The following NBPF20 variants were observed in gnomAD, a reference collection of about 807,000 sequenced individuals.
The protein encoded by NBPF20 is NBPF member 20, also known as NBPF family member NBPF20.
NBPF20 carries 90 observed loss-of-function variants against 68.1 expected under a neutral mutation model. That is an observed-to-expected ratio of 1.32 (90% CI 1.11 to 1.58). The LOEUF is 1.58. NBPF20 is among the 40% of genes most tolerant of loss of function. The probability of loss-of-function intolerance (pLI) is 0.00; values close to 1 mark genes in which losing one functional copy is unlikely to be tolerated. For missense variants in NBPF20, 816 were observed against 601.2 expected, an observed-to-expected ratio of 1.36 and a Z score of -3.74; for synonymous variants, 290 against 228.1, an observed-to-expected ratio of 1.27 and a Z score of -2.45.
At chr1:145,410,456 A>C (rs1335906157), upstream of NBPF20, among the ~76,000 whole-genome samples, 1 of 149,362 alleles carries the variant, frequency 6.7e-6, no homozygotes, top group Non-Finnish European at 1.5e-5. Flanking sequence ...CTAGGACTAC[A>C]GGCGCCCGCC....
chr1:145,419,224 T>C, the NBPF20 span, among the ~76,000 whole-genome samples: 2 of 139,956 alleles, frequency 1.4e-5, no homozygotes, highest in Non-Finnish European at 3.1e-5. Context: ...GGGAGAGAAG[T>C]AGGGAAGGAG....
At chr1:145,410,325 T>C (rs1405968099), upstream of NBPF20, among the ~76,000 whole-genome samples, 1 of 151,584 alleles carries the variant, frequency 6.6e-6, no homozygotes, top group Non-Finnish European at 1.5e-5. Context: ...TTCTTTTTTT[T>C]TTTTTTTGAG....
chr1:145,401,105 C>A lies in NBPF20; in HGVS notation c.520G>T (p.Val174Phe), dbSNP rs1662502416. The A allele has an allele frequency of 5.0e-6, 8 of 1,607,592 alleles. No individual in the cohort carries two copies. The South Asian group carries it at 8.8e-5, about 18-fold the overall frequency. ...ACTTTCTCAGCCAACTCAACTTGAA[C>A]ATCTTCATCGTCATCGTTGTCATTT... Residue 174 changes from valine to phenylalanine, a missense_variant, in exon 5 of 138, where the codon GTT (valine) becomes TTT (phenylalanine). Coordinates refer to ENST00000369373, the Ensembl canonical transcript of NBPF20.
At chr1:145,311,866 A>G (rs1661492436) in intron 112 of NBPF20, among the ~76,000 whole-genome samples, 1 of 112,286 alleles carries the variant, frequency 8.9e-6, no homozygotes, top group Non-Finnish European at 1.8e-5. Flanking sequence ...CGAGGATTTT[A>G]GATGCTGAAA....
chr1:145,407,377 A>G (rs1402013968), upstream of NBPF20, among the ~76,000 whole-genome samples: 4 of 145,890 alleles, frequency 2.7e-5, no homozygotes, highest in Admixed American at 6.9e-5. Flanking sequence ...GTATATATAT[A>G]TAATATATAT....
At chr1:145,292,410 C>G (rs781798065) in exon 137 of NBPF20, 1 of 688,948 alleles carries the variant, frequency 1.5e-6, no homozygotes. Context: ...GATCTTCTTC[C>G]CCTTCTTTTC....
At chr1:145,415,000 A>C in the NBPF20 span, among the ~76,000 whole-genome samples, 2 of 152,200 alleles carry the variant, frequency 1.3e-5, no homozygotes, top group Admixed American at 1.3e-4. Context: ...ACCGGCGTTC[A>C]GCATACGGAG....
chr1:145,405,981 C>A (rs1350507688), upstream of NBPF20, among the ~76,000 whole-genome samples: 3 of 150,148 alleles, frequency 2.0e-5, no homozygotes, highest in Non-Finnish European at 4.4e-5. Context: ...TGCAGTGACG[C>A]GATCTAGGCT....
At position 145,401,195 on chromosome 1, in the gene NBPF20, C is replaced by G; in HGVS notation, c.494-64G>C. On this transcript the variant is annotated intron_variant, in intron 4 of 137. Transcript: ENST00000369373. ...TCACAGTCTGCAAGCACAGTCAGCC[C>G]AATGTGCAACAGAGACATGAACATC... is the stretch of plus-strand genomic sequence containing the variant. The G allele has an allele frequency of 3.7e-6, 5 of 1,367,922 alleles. No homozygotes were observed. The East Asian group carries it at 1.1e-4, about 31-fold the overall frequency. 84.7% of individuals were successfully genotyped at this position (1,367,922 alleles called of 1,614,324 possible).
intron 9 of NBPF20, 70 bp downstream of exon 14, chr1:145,393,814 C>G (rs1381526971): frequency 5.7e-6 from 7 of 1,232,474 alleles, no homozygotes; most frequent in African/African-American, 4.5e-5. Context: ...TCAGCATGTA[C>G]TGTTTTCCCT....
At chr1:145,422,870 T>C in the NBPF20 span, among the ~76,000 whole-genome samples, 1 of 149,930 alleles carries the variant, frequency 6.7e-6, no homozygotes, top group South Asian at 2.1e-4. Flanking sequence ...ACTCCTATAG[T>C]CGCAGCTACT....
At position 145,403,206 on chromosome 1, in the gene NBPF20, G is replaced by T. The variant is rs1329763421; in HGVS notation, c.278+10C>A. On this transcript the variant is annotated intron_variant, in intron 3 of 137. Transcript: ENST00000369373. ...CTGCCCCCCTGCCTGCCACCATGGG[G>T]TCCCCTCACCTGAGCTCCTCAGCTT... The T allele has an allele frequency of 7.4e-6, 12 of 1,612,106 alleles. No homozygotes were observed. Among genetic ancestry groups the T allele is most frequent in the African/African-American group, 5.3e-5 (4 of 74,820 alleles).
At chr1:145,409,306 C>T (rs1446500159), upstream of NBPF20, among the ~76,000 whole-genome samples, 11 of 149,546 alleles carry the variant, frequency 7.4e-5, no homozygotes, top group Non-Finnish European at 1.0e-4. Flanking sequence ...TCTATCATTC[C>T]GCGTTTGGGC....
the NBPF20 span, among the ~76,000 whole-genome samples, chr1:145,416,091 G>A: frequency 4.0e-5 from 6 of 151,264 alleles, no homozygotes; most frequent in East Asian, 1.9e-4. Context: ...AGATGGCGCC[G>A]TTGCATTTGA....
chr1:145,393,586 C>T (rs1432987142), intron 9 of NBPF20: 13 of 648,334 alleles, frequency 2.0e-5, no homozygotes, highest in South Asian at 5.8e-5. Flanking sequence ...GAACAGTGAT[C>T]ATGAAAAGCA....
At chr1:145,390,347 CACACACACAG>C (rs1571357740) in intron 13 of NBPF20, among the ~76,000 whole-genome samples, 23 of 65,544 alleles carry the variant, frequency 3.5e-4, no homozygotes, top group Non-Finnish European at 5.1e-4. Context: ...CACACACAGA[CACACACACAG>C]ACACACACAC....
intron 136 of NBPF20, 72 bp from the exon 142 acceptor site, chr1:145,292,561 T>C (rs199825727): frequency 9.6e-6 from 7 of 726,964 alleles, no homozygotes; most frequent in South Asian, 5.7e-5. Context: ...CACTGTCTAA[T>C]CCTCACACAG....
chr1:145,402,237 C>G lies in NBPF20; in HGVS notation c.423G>C (p.Gly141=), dbSNP rs1484086060. 2.6e-4 allele frequency: 420 copies of G among 1,608,006 alleles called. 2 individuals carry two copies. In the African/African-American group the frequency reaches 5.0e-3, roughly 19 times the overall value. ...CAGCCAGCTGTTCTTGGAGGTCCTG[C>G]CCCTGGGACTTGTCCGGCTCATCCG... The change falls in exon 4 of 138, where the codon GGG becomes GGC. Residue 141 remains glycine (G), a synonymous_variant. Transcript: ENST00000369373.
chr1:145,410,477 G>T (rs1437629286), upstream of NBPF20, among the ~76,000 whole-genome samples: 2 of 150,670 alleles, frequency 1.3e-5, no homozygotes, highest in African/African-American at 4.9e-5. Flanking sequence ...ACTACGCCCG[G>T]CTATTTTTTG....
Sources: allele counts gnomAD v4.1 joint callset (sites outside exome capture counted in the v4.1 genomes callset), GRCh38; gene constraint gnomAD v4.1.1; transcripts MANE v1.5; gene names NCBI Gene and HGNC (gene_info 2026-07-23, HGNC 2026-07-21).